Variants in PSMG2 observed in about 807,000 individuals in gnomAD.
The protein encoded by PSMG2 is proteasome assembly chaperone 2.
A neutral mutation model predicts 31.5 loss-of-function variants in PSMG2; 21 were observed. That is an observed-to-expected ratio of 0.67 (90% CI 0.47 to 0.96). The LOEUF (loss-of-function observed/expected upper bound fraction) is 0.96. PSMG2 is among the 40% of genes least tolerant of loss of function. PSMG2 has a pLI of 0.00. For synonymous variants in PSMG2, 120 were observed against 110.4 expected (o/e 1.09, Z -0.54); for missense variants, 318 against 321.2 (o/e 0.99, Z 0.08).
At chr18:12,703,673 G>A (rs2040226842) in intron 1 of PSMG2, among the ~76,000 whole-genome samples, 1 of 152,170 alleles carries the variant, frequency 6.6e-6, no homozygotes, top group Admixed American at 6.5e-5. Flanking sequence ...TGCCCTCAAA[G>A]AATTTACACT....
intron 1 of PSMG2, 54 bp downstream of exon 1, chr18:12,703,218 G>T: frequency 6.5e-7 from 1 of 1,543,392 alleles, no homozygotes; most frequent in Non-Finnish European, 8.8e-7. Context: ...CTGCGGTGTC[G>T]CCACCCCGAC....
At chr18:12,720,977 G>A (rs189941948) in intron 5 of PSMG2, among the ~76,000 whole-genome samples, 3 of 152,224 alleles carry the variant, frequency 2.0e-5, no homozygotes, top group South Asian at 2.1e-4. Context: ...CCAGGAGATC[G>A]AGACCATCCT....
intron 2 of PSMG2, among the ~76,000 whole-genome samples, chr18:12,710,100 G>T (rs140736801): frequency 6.6e-6 from 1 of 151,828 alleles, no homozygotes; most frequent in East Asian, 1.9e-4. Flanking sequence ...CCGCCATCAC[G>T]CCCGGCTACT....
chr18:12,725,355 CA>C (rs2040466324), intron 6 of PSMG2, 83 bp from the exon 7 acceptor site: 1 of 1,129,792 alleles, frequency 8.9e-7, no homozygotes, highest in Non-Finnish European at 1.3e-6. Context: ...AAAAGGAACA[CA>C]AAAGGAGAGT....
intron 2 of PSMG2, among the ~76,000 whole-genome samples, chr18:12,709,667 A>G (rs1000734172): frequency 1.3e-5 from 2 of 151,108 alleles, no homozygotes; most frequent in Non-Finnish European, 1.5e-5. Flanking sequence ...CCCAGCTAAT[A>G]TTTTGTATTT....
chr18:12,664,663 G>A (rs993453007), intron 1 of PSMG2, among the ~76,000 whole-genome samples: 2 of 151,616 alleles, frequency 1.3e-5, no homozygotes, highest in Non-Finnish European at 2.9e-5. Flanking sequence ...GGGATTACAG[G>A]TTTGAACCAC....
chr18:12,674,042 C>T (rs1011458338), intron 1 of PSMG2, among the ~76,000 whole-genome samples: 3 of 152,232 alleles, frequency 2.0e-5, no homozygotes, highest in South Asian at 2.1e-4. Context: ...TAATCCCAGA[C>T]TATCTAGGGC....
intron 1 of PSMG2, among the ~76,000 whole-genome samples, chr18:12,659,130 G>GTGAAAGCCCTACAGAGTGT (rs1598597538): frequency 6.6e-6 from 1 of 152,234 alleles, no homozygotes; most frequent in East Asian, 1.9e-4. Flanking sequence ...CTAGTCCTGT[G>GTGAAAGCCCTACAGAGTGT]TGAAAGCCCT....
At chr18:12,724,100 C>T (rs2040454285) in intron 5 of PSMG2, 1 of 164,504 alleles carries the variant, frequency 6.1e-6, no homozygotes, top group South Asian at 2.0e-4. Flanking sequence ...TGATTCCATT[C>T]TCTTCCACAG....
At chr18:12,702,086 A>G (rs998710239), upstream of PSMG2, among the ~76,000 whole-genome samples, 1 of 152,212 alleles carries the variant, frequency 6.6e-6, no homozygotes, top group Admixed American at 6.5e-5. Context: ...AGATCGTGCC[A>G]CTGCACTCCA....
At chr18:12,680,373 A>T (rs2039301893) in intron 1 of PSMG2, among the ~76,000 whole-genome samples, 1 of 152,122 alleles carries the variant, frequency 6.6e-6, no homozygotes. Context: ...AGGTAGGTGG[A>T]TCACCTAAGG....
intron 1 of PSMG2, among the ~76,000 whole-genome samples, chr18:12,695,887 A>ACACACACACACAC (rs1568030597): frequency 5.3e-5 from 7 of 132,800 alleles, no homozygotes; most frequent in African/African-American, 2.0e-4. Flanking sequence ...CACACACACT[A>ACACACACACACAC]AAAATTAGAA....
intron 1 of PSMG2, chr18:12,663,562 C>T (rs1448025288): frequency 6.6e-6 from 1 of 152,056 alleles, no homozygotes; most frequent in Non-Finnish European, 1.5e-5. Flanking sequence ...TGTGAGCCAC[C>T]ACAACCAGGC....
At chr18:12,701,888 T>C (rs907382336), upstream of PSMG2, among the ~76,000 whole-genome samples, 5 of 152,104 alleles carry the variant, frequency 3.3e-5, no homozygotes, top group Admixed American at 1.3e-4. Context: ...CCCAGCACTT[T>C]AGGAGGCCGA....
chr18:12,677,548 TACA>T (rs1201261040), intron 1 of PSMG2, among the ~76,000 whole-genome samples: 4 of 145,054 alleles, frequency 2.8e-5, no homozygotes, highest in Non-Finnish European at 6.0e-5. Context: ...CCCAGTTGAG[TACA>T]ACATGAAAAC....
At chr18:12,712,974 A>G (rs947237044) in intron 3 of PSMG2, among the ~76,000 whole-genome samples, 1 of 152,222 alleles carries the variant, frequency 6.6e-6, no homozygotes, top group Non-Finnish European at 1.5e-5. Flanking sequence ...GAGTGTTAAC[A>G]TATTTTCAGT....
At chr18:12,667,176 T>C (rs529817758) in intron 1 of PSMG2, among the ~76,000 whole-genome samples, 1 of 152,290 alleles carries the variant, frequency 6.6e-6, no homozygotes, top group South Asian at 2.1e-4. Context: ...AAATATTATT[T>C]TGGGCTGGGC....
At chr18:12,715,984 G>C (rs1037444517) in intron 3 of PSMG2, among the ~76,000 whole-genome samples, 6 of 152,176 alleles carry the variant, frequency 3.9e-5, no homozygotes, top group African/African-American at 1.4e-4. Context: ...GTATTCTATT[G>C]GTGGAATTCT....
intron 3 of PSMG2, among the ~76,000 whole-genome samples, chr18:12,715,589 T>C (rs1017967298): frequency 4.6e-5 from 7 of 152,052 alleles, no homozygotes; most frequent in Admixed American, 3.9e-4. Context: ...CACTGCAACC[T>C]CCGTCTCCTG....
Sources: gnomAD v4.1 joint callset for allele counts (sites outside exome capture counted in the v4.1 genomes callset) on GRCh38, gnomAD v4.1.1 for gene constraint, MANE v1.5 for transcripts, NCBI Gene and HGNC (gene_info 2026-07-23, HGNC 2026-07-21) for gene names.